NCALD: variants seen among roughly 807,000 people sequenced by gnomAD.
NCALD encodes neurocalcin-delta.
In NCALD, 10 loss-of-function variants were observed where a neutral mutation model predicts 18.6. The observed-to-expected ratio is 0.54, with a 90% CI of 0.33 to 0.91. The LOEUF (loss-of-function observed/expected upper bound fraction) is 0.91, where lower values mean the gene tolerates loss of function less well. Among genes scored for constraint, NCALD ranks in the 40% least tolerant of loss-of-function variants. The probability of loss-of-function intolerance (pLI) is 0.03; values close to 1 mark genes in which losing one functional copy is unlikely to be tolerated. For missense variants in NCALD, 184 were observed against 247.6 expected, an observed-to-expected ratio of 0.74 and a Z score of 1.72; for synonymous variants, 88 against 87.4, an observed-to-expected ratio of 1.01 and a Z score of -0.04.
intron 4 of NCALD, chr8:101,847,474 G>A (rs1377771764): frequency 6.5e-6 from 1 of 152,760 alleles, no homozygotes; most frequent in Non-Finnish European, 1.5e-5. Flanking sequence ...GAGGACAGAG[G>A]TGCCTGGGTC....
At chr8:102,029,631 T>A (rs2387096) in intron 1 of NCALD, among the ~76,000 whole-genome samples, 68,816 of 151,994 alleles carry the variant, frequency 0.45, 16,130 homozygotes, top group South Asian at 0.55. Context: ...CCTATTTCCA[T>A]AAAGTCGCTG....
chr8:101,936,150 G>A (rs1295014061), intron 2 of NCALD, among the ~76,000 whole-genome samples: 1 of 152,116 alleles, frequency 6.6e-6, no homozygotes, highest in African/African-American at 2.4e-5. Flanking sequence ...GAGAAGAAGG[G>A]TGCAACAATT....
At chr8:101,869,210 G>C (rs769654794) in intron 4 of NCALD, among the ~76,000 whole-genome samples, 21 of 152,216 alleles carry the variant, frequency 1.4e-4, no homozygotes, top group Non-Finnish European at 2.6e-4. Flanking sequence ...TTAAGTTAAG[G>C]ATCTCAGGAT....
intron 2 of NCALD, among the ~76,000 whole-genome samples, chr8:102,016,609 T>C (rs778005603): frequency 3.9e-5 from 6 of 152,208 alleles, no homozygotes; most frequent in Non-Finnish European, 7.3e-5. Context: ...TGAAGGTAAC[T>C]ATGGCAATCA....
At chr8:101,817,630 C>G (rs1813551551) in intron 4 of NCALD, among the ~76,000 whole-genome samples, 1 of 151,812 alleles carries the variant, frequency 6.6e-6, no homozygotes, top group Non-Finnish European at 1.5e-5. Flanking sequence ...GTCCAGCTGC[C>G]AAGAAGGCAT....
chr8:101,691,721 C>A, intron 3 of NCALD: 3 of 985,338 alleles, frequency 3.0e-6, no homozygotes, highest in Non-Finnish European at 3.6e-6. Context: ...CAGACAGGCC[C>A]ATACCACACA....
chr8:101,893,043 CT>C (rs1816977215), intron 3 of NCALD, among the ~76,000 whole-genome samples: 2 of 149,666 alleles, frequency 1.3e-5, no homozygotes, highest in South Asian at 2.1e-4. Context: ...AGAAGAGCAA[CT>C]CCAAGACACA....
At chr8:101,983,562 GAAAC>G (rs1820699292) in intron 2 of NCALD, among the ~76,000 whole-genome samples, 1 of 152,168 alleles carries the variant, frequency 6.6e-6, no homozygotes, top group South Asian at 2.1e-4. Context: ...TTGTCTTTGT[GAAAC>G]AAACATTAAC....
At chr8:101,913,389 A>G (rs1041662043) in intron 3 of NCALD, among the ~76,000 whole-genome samples, 3 of 152,244 alleles carry the variant, frequency 2.0e-5, no homozygotes, top group African/African-American at 7.2e-5. Flanking sequence ...CCTTTATCCA[A>G]TTCAAAACTT....
intron 4 of NCALD, among the ~76,000 whole-genome samples, chr8:101,814,264 A>G (rs1813412635): frequency 6.6e-6 from 1 of 152,256 alleles, no homozygotes; most frequent in South Asian, 2.1e-4. Context: ...AAATTAGCAA[A>G]TTGAATCCAA....
upstream of NCALD, chr8:102,124,567 C>T (rs1219680435): frequency 6.7e-6 from 1 of 149,902 alleles, no homozygotes; most frequent in Non-Finnish European, 1.5e-5. Flanking sequence ...AGTCCTAGCT[C>T]ACCGCCCAGG....
chr8:102,081,574 AAAC>A (rs1431599770), intron 1 of NCALD, among the ~76,000 whole-genome samples: 3,083 of 61,236 alleles, frequency 0.05, 77 homozygotes, highest in African/African-American at 0.093. Flanking sequence ...AAAAAAAAAA[AAAC>A]CCCAAAAAAA....
Position 102,080,176 on chromosome 8 carries a change from T to C in NCALD, c.-210+44061A>G, listed in dbSNP as rs147901234. Among the ~76,000 whole-genome samples, 63 of 152,338 alleles carry C rather than the reference T, an allele frequency of 4.1e-4. 1 individual carries two copies. The East Asian group carries it at 0.012, about 28-fold the overall frequency. Reference sequence around the variant, plus strand: ...TTCATATGAAAGGTTAATGGCACAGTGTGCTGTTGGCAGCCAGCGGTGTTT... The same window carrying C: ...TTCATATGAAAGGTTAATGGCACAGCGTGCTGTTGGCAGCCAGCGGTGTTT... On this transcript the variant is annotated intron_variant, in intron 1 of 6. Coordinates refer to the NCALD transcript ENST00000311028.
intron 2 of NCALD, among the ~76,000 whole-genome samples, chr8:102,015,718 A>C (rs541008134): frequency 4.9e-4 from 74 of 152,326 alleles, no homozygotes; most frequent in African/African-American, 1.8e-3. Context: ...ATGCCCTTCC[A>C]AGGAGAAAGG....
At chr8:101,988,902 GAA>G (rs35196499) in intron 2 of NCALD, among the ~76,000 whole-genome samples, 1,147 of 65,974 alleles carry the variant, frequency 0.017, 9 homozygotes, top group African/African-American at 0.063. Context: ...GGTGCCAGCA[GAA>G]AAAAAAAAAA....
intron 2 of NCALD, among the ~76,000 whole-genome samples, chr8:101,924,488 G>A (rs1014509900): frequency 1.3e-5 from 2 of 152,126 alleles, no homozygotes; most frequent in Admixed American, 6.5e-5. Context: ...CTTTCCTCAG[G>A]AAGTGGAAAA....
At chr8:101,692,276 C>T (rs961212846) in intron 3 of NCALD, 2 of 985,410 alleles carry the variant, frequency 2.0e-6, no homozygotes, top group African/African-American at 1.7e-5. Flanking sequence ...TCACCACTAC[C>T]CCGGGCACCC....
At chr8:102,035,006 C>T (rs1822810043) in intron 1 of NCALD, among the ~76,000 whole-genome samples, 1 of 152,168 alleles carries the variant, frequency 6.6e-6, no homozygotes, top group African/African-American at 2.4e-5. Flanking sequence ...CTGGTAACCA[C>T]CATCCTATTT....
At chr8:101,849,228 A>G (rs2131323869) in intron 4 of NCALD, among the ~76,000 whole-genome samples, 1 of 152,282 alleles carries the variant, frequency 6.6e-6, no homozygotes. Flanking sequence ...GGAGAGCATC[A>G]GGAAGAACAC....
Sources: allele counts gnomAD v4.1 joint callset (sites outside exome capture counted in the v4.1 genomes callset), GRCh38; gene constraint gnomAD v4.1.1; transcripts MANE v1.5; gene names NCBI Gene and HGNC (gene_info 2026-07-23, HGNC 2026-07-21).